Variants in KMT5A observed in about 807,000 individuals in gnomAD.
KMT5A encodes lysine methyltransferase 5A.
KMT5A carries 6 observed loss-of-function variants against 40.6 expected under a neutral mutation model. The observed-to-expected ratio is 0.15, with a 90% CI of 0.08 to 0.29. The LOEUF is 0.29. Ranked by LOEUF, KMT5A falls within the 10% of genes least tolerant of loss-of-function variation. KMT5A has a pLI of 1.00. For synonymous variants in KMT5A, 153 were observed against 178.8 expected, an observed-to-expected ratio of 0.86 and a Z score of 1.15; for missense variants, 308 against 459.1, an observed-to-expected ratio of 0.67 and a Z score of 3.01.
At chr12:123,402,418 G>A (rs1384705934) in intron 5 of KMT5A, among the ~76,000 whole-genome samples, 3 of 152,228 alleles carry the variant, frequency 2.0e-5, no homozygotes, top group Non-Finnish European at 4.4e-5. Context: ...GCACATTGCA[G>A]GTGTGGATTG....
In KMT5A at chr12:123,396,415, A is replaced by T. The variant is rs747764022; in HGVS notation, c.580A>T (p.Ser194Cys). The T allele has an allele frequency of 2.5e-6, 4 of 1,614,052 alleles. No individual in the cohort carries two copies. The highest frequency in any genetic ancestry group is 3.4e-6 in the Non-Finnish European group (4 of 1,179,988). ...CCCTGTCCGAAGGAGCTCCAGGAAG[A>T]GCAAAGCCGAGCTGCAGGTAGTCAC... The part of the protein sequence containing the change: ...FYPVRRSSRK[S>C]KAELQSEERK... The change falls in exon 5 of 8, where the codon AGC becomes TGC. Residue 194 changes from serine to cysteine, a missense_variant. Ser to Cys is a moderately radical substitution (Grantham distance 112). Around this residue, in one of 4 missense-constraint regions of KMT5A, gnomAD observed 77 missense variants for 220.0 expected, o/e 0.35. Coordinates refer to ENST00000402868, the MANE Select transcript of KMT5A (RefSeq NM_020382.7).
chr12:123,394,851 C>CA (rs148060560), intron 3 of KMT5A, among the ~76,000 whole-genome samples, 196 bp from the exon 4 acceptor site: 1 of 152,094 alleles, frequency 6.6e-6, no homozygotes, highest in Non-Finnish European at 1.5e-5. Flanking sequence ...GTGTCTTGGT[C>CA]AAAAAATCGA....
intron 3 of KMT5A, 62 bp from the exon 4 acceptor site, chr12:123,394,985 G>C: frequency 1.4e-6 from 2 of 1,404,934 alleles, no homozygotes; most frequent in South Asian, 1.3e-5. Flanking sequence ...AATGCAGCTG[G>C]TCGTCTGGAA....
chr12:123,398,772 C>T (rs997174590), intron 5 of KMT5A, among the ~76,000 whole-genome samples: 5 of 152,344 alleles, frequency 3.3e-5, no homozygotes, highest in Non-Finnish European at 4.4e-5. Context: ...AGCCCAAGAA[C>T]GGGACAGCTG....
At chr12:123,393,371 C>T (rs1460869428) in intron 3 of KMT5A, among the ~76,000 whole-genome samples, 3 of 152,072 alleles carry the variant, frequency 2.0e-5, no homozygotes, top group African/African-American at 7.2e-5. Flanking sequence ...TTCCCCATCC[C>T]TCTAGTCCAA....
rs1252399388 is a variant in KMT5A at position 123,408,679 on chromosome 12, C to G, written c.*976C>G. ...GGACCAGAAATTACTTACCTGACAT[C>G]CACCCCCATTCCCCCTCATCCTGCT... On this transcript the variant is annotated 3_prime_UTR_variant, in exon 8 of 8. Transcript: ENST00000402868. 1 of 149,804 alleles carries G rather than the reference C, an allele frequency of 6.7e-6. No homozygotes were observed. The highest frequency in any genetic ancestry group is 1.5e-5 in the Non-Finnish European group (1 of 67,600). The allele number at this position is 149,804 out of a possible 1,614,324, so 9.3% of individuals were successfully genotyped here. A position where few individuals can be genotyped will look rare whatever the true frequency, so the allele number is the denominator to read the frequency against.
intron 7 of KMT5A, 96 bp from the exon 8 acceptor site, chr12:123,407,397 T>C (rs966673474): frequency 6.8e-6 from 8 of 1,180,054 alleles, no homozygotes; most frequent in Non-Finnish European, 9.8e-6. Context: ...TGGCTTTAAA[T>C]CAGCATCCCA....
chr12:123,406,892 G>T (rs1471360570), intron 7 of KMT5A, among the ~76,000 whole-genome samples: 1 of 151,978 alleles, frequency 6.6e-6, no homozygotes, highest in Non-Finnish European at 1.5e-5. Context: ...GGTGGCACAC[G>T]CTTCTAATCC....
At chr12:123,401,700 G>A (rs1878194936) in intron 5 of KMT5A, among the ~76,000 whole-genome samples, 1 of 151,414 alleles carries the variant, frequency 6.6e-6, no homozygotes, top group South Asian at 2.1e-4. Flanking sequence ...TCCTGCCTCA[G>A]CCTCCTGAGT....
chr12:123,402,013 G>A (rs1878219136), intron 5 of KMT5A, among the ~76,000 whole-genome samples: 1 of 152,158 alleles, frequency 6.6e-6, no homozygotes, highest in African/African-American at 2.4e-5. Flanking sequence ...AGCCTCTAGA[G>A]TAGCTGGGAC....
intron 5 of KMT5A, among the ~76,000 whole-genome samples, chr12:123,402,288 G>T (rs932227825): frequency 2.0e-5 from 3 of 152,230 alleles, no homozygotes; most frequent in Non-Finnish European, 4.4e-5. Context: ...AGCGGGGCCG[G>T]GGCCGTGGCT....
intron 1 of KMT5A, among the ~76,000 whole-genome samples, chr12:123,386,209 GATT>G (rs1377657366): frequency 4.4e-5 from 5 of 113,916 alleles, no homozygotes; most frequent in African/African-American, 6.7e-5. Context: ...TTTAGATTTA[GATT>G]TTTTTTTTTT....
intron 3 of KMT5A, among the ~76,000 whole-genome samples, chr12:123,393,515 C>T (rs749724470): frequency 1.3e-5 from 2 of 152,076 alleles, no homozygotes; most frequent in Admixed American, 1.3e-4. Flanking sequence ...GGTTCATCCG[C>T]GGTGTAATAA....
At chr12:123,389,609 G>A in intron 2 of KMT5A, 55 bp downstream of exon 2, 1 of 1,053,880 alleles carries the variant, frequency 9.5e-7, no homozygotes, top group Non-Finnish European at 1.1e-6. Flanking sequence ...CCGGGGCCGC[G>A]AGCACATGGG....
chr12:123,386,590 C>T (rs549373472), intron 1 of KMT5A, among the ~76,000 whole-genome samples: 31 of 152,296 alleles, frequency 2.0e-4, no homozygotes, highest in Non-Finnish European at 3.5e-4. Context: ...GAAAATTGGG[C>T]TTTGAACTTG....
At chr12:123,397,299 G>C (rs990716597) in intron 5 of KMT5A, among the ~76,000 whole-genome samples, 2 of 152,206 alleles carry the variant, frequency 1.3e-5, no homozygotes, top group East Asian at 3.8e-4. Context: ...CCCCCTCAGG[G>C]ACACCTGGGG....
At chr12:123,391,999 A>C (rs1003293237) in intron 3 of KMT5A, among the ~76,000 whole-genome samples, 1 of 152,208 alleles carries the variant, frequency 6.6e-6, no homozygotes, top group Non-Finnish European at 1.5e-5. Flanking sequence ...CACCTGAAAG[A>C]AGGAGGCTTA....
At chr12:123,389,909 C>G in intron 2 of KMT5A, 2 of 362,562 alleles carry the variant, frequency 5.5e-6, no homozygotes, top group South Asian at 4.2e-5. Flanking sequence ...CTTCTGGGGA[C>G]GCCCTCCTCC....
chr12:123,384,251 G>A lies in KMT5A; in HGVS notation c.10+43G>A. ...CGGCACCGGAGCGGCTGGGTCGGGG[G>A]TCGTGCTGGAGGGGTTGCCGGGGTG... On this transcript the variant is annotated intron_variant, in intron 1 of 7. Coordinates refer to ENST00000402868, the MANE Select transcript of KMT5A (RefSeq NM_020382.7). This position sits in a 1 kb window ranked among gnomAD's most constrained non-coding sequence, Gnocchi z 5.7. 4 of 1,609,822 alleles carry A rather than the reference G, an allele frequency of 2.5e-6. No homozygotes were observed. Among genetic ancestry groups the A allele is most frequent in the Non-Finnish European group, 3.4e-6 (4 of 1,178,734 alleles).
Sources: gnomAD v4.1 joint callset for allele counts (sites outside exome capture counted in the v4.1 genomes callset) on GRCh38, gnomAD v4.1.1 for gene constraint, gnomAD v4.1.1 regional missense constraint, Gnocchi (gnomAD v3.1) non-coding constraint, MANE v1.5 for transcripts, NCBI Gene and HGNC (gene_info 2026-07-23, HGNC 2026-07-21) for gene names.